Variants in CFAP74 observed in about 807,000 individuals in gnomAD.
CFAP74 encodes cilia and flagella associated protein 74, also known as cilia- and flagella-associated protein 74.
In CFAP74, 124 loss-of-function variants were observed where a neutral mutation model predicts 188.9. That is an observed-to-expected ratio of 0.66 (90% CI 0.57 to 0.76). The LOEUF (loss-of-function observed/expected upper bound fraction) is 0.76, where lower values mean the gene tolerates loss of function less well. CFAP74 is among the 30% of genes least tolerant of loss of function. CFAP74 has a pLI of 0.00. For missense variants in CFAP74, 2,198 were observed against 2,165.2 expected (o/e 1.02, Z -0.30); for synonymous variants, 956 against 916.7 (o/e 1.04, Z -0.77).
At chr1:1,925,397 G>A (rs562779102) in intron 33 of CFAP74, among the ~76,000 whole-genome samples, 1 of 152,340 alleles carries the variant, frequency 6.6e-6, no homozygotes, top group East Asian at 1.9e-4. Context: ...AGGGCAGTGC[G>A]GCTCACTGCA....
At position 1,973,077 on chromosome 1, in the gene CFAP74, ACT is replaced by A. The variant is rs1261972055; in HGVS notation, c.675-32_675-31del. The A allele has an allele frequency of 2.0e-6, 3 of 1,517,088 alleles. No homozygotes were observed. The East Asian group carries it at 6.8e-5, about 35-fold the overall frequency. The allele number at this position is 1,517,088 out of a possible 1,614,324, so 94.0% of individuals were successfully genotyped here. On this transcript the variant is annotated intron_variant, in intron 7 of 38. Transcript: ENST00000682832. The surrounding 1 kb of genome is among the most constrained non-coding windows in gnomAD (Gnocchi z 6.2). ...GGGGATATGGGGCCGTCAGAGGGAA[ACT>A]CGGCATCACACGTCCCATCTGCCCC...
Position 1,979,475 on chromosome 1 carries a change from C to T in CFAP74, c.501-5277G>A, listed in dbSNP as rs1276783129. 1.5e-4 allele frequency among the ~76,000 whole-genome samples: 17 copies of T among 116,512 alleles called. 1 individual carries two copies. Among genetic ancestry groups the T allele is most frequent in the South Asian group, 9.0e-4 (3 of 3,344 alleles). 76.4% of individuals were successfully genotyped at this position (116,512 alleles called of 152,430 possible). On this transcript the variant is annotated intron_variant, in intron 6 of 38. Transcript: ENST00000682832. ...ACGTGATGAAGCTGCACAGAACACG[C>T]GTGTGGTACTGAGCTGGGCGTGGGA...
chr1:1,966,751 C>T (rs1655502903), intron 11 of CFAP74, among the ~76,000 whole-genome samples: 1 of 151,996 alleles, frequency 6.6e-6, no homozygotes, highest in South Asian at 2.1e-4. Context: ...TCAGAAGAGT[C>T]TGCAAAATAT....
chr1:1,960,462 C>T (rs1013491120), intron 14 of CFAP74, among the ~76,000 whole-genome samples: 9 of 152,232 alleles, frequency 5.9e-5, no homozygotes, highest in African/African-American at 2.2e-4. Flanking sequence ...AGTCCTGAGA[C>T]AGCTGGGACC....
At chr1:1,928,219 TGGGAGGAAGCCAGGCCGGG>T (rs2102032635) in intron 27 of CFAP74, among the ~76,000 whole-genome samples, 1 of 27,904 alleles carries the variant, frequency 3.6e-5, no homozygotes, top group South Asian at 1.5e-3. Flanking sequence ...GGCAAACCCT[TGGGAGGAAGCCAGGCCGGG>T]AAGGGCAAAC....
chr1:1,929,967 T>G, intron 26 of CFAP74, 93 bp downstream of exon 26: 1 of 1,312,442 alleles, frequency 7.6e-7, no homozygotes, highest in Non-Finnish European at 1.0e-6. Flanking sequence ...TGAAACCCTG[T>G]GGTTAAGGGT....
At chr1:1,955,295 C>T (rs1037707979) in intron 18 of CFAP74, 12 of 1,297,698 alleles carry the variant, frequency 9.2e-6, no homozygotes, top group Middle Eastern at 2.6e-4. Flanking sequence ...CAGGGCCCGC[C>T]CGTTTCTCGG....
chr1:1,939,838 G>A (rs1157054137), intron 23 of CFAP74, 71 bp from the exon 24 acceptor site: 19 of 1,408,638 alleles, frequency 1.3e-5, no homozygotes, highest in Non-Finnish European at 1.7e-5. Context: ...AAACTCTGAG[G>A]CGCAACCACT....
chr1:1,978,901 G>A (rs1483865570), intron 6 of CFAP74, among the ~76,000 whole-genome samples: 4 of 152,348 alleles, frequency 2.6e-5, no homozygotes, highest in Non-Finnish European at 4.4e-5. Flanking sequence ...CCTCTTCTTC[G>A]TGCTGAGCTG....
rs751563147 is a variant in CFAP74 at position 1,968,769 on chromosome 1, C to T, written c.1111G>A (p.Ala371Thr). The change falls in exon 11 of 39, where the codon GCT (alanine) becomes ACT (threonine). Residue 371 changes from alanine (A) to threonine (T), a missense_variant. Ala to Thr is a moderately conservative substitution (Grantham distance 58). Coordinates refer to ENST00000682832, the MANE Select transcript of CFAP74 (RefSeq NM_001304360.2). This position sits in a 1 kb window ranked among gnomAD's most constrained non-coding sequence, Gnocchi z 4.3. ...TGTTTCTTCCTCTTTTCCTCCTCAGCCTCCTCTTTCAGAATCCGACTGATG... is the reference window on the plus strand; with the variant it reads ...TGTTTCTTCCTCTTTTCCTCCTCAGTCTCCTCTTTCAGAATCCGACTGATG... ...EIISRILKEE[A>T]EEEKRKKQHP... is the part of the protein sequence containing the mutation. 3.7e-6 allele frequency: 6 copies of T among 1,614,004 alleles called. No individual in the cohort carries two copies. Among genetic ancestry groups the T allele is most frequent in the South Asian group, 2.2e-5 (2 of 91,090 alleles).
chr1:1,922,758 A>G (rs889158868), intron 37 of CFAP74, 35 bp from the exon 38 acceptor site: 10 of 1,591,474 alleles, frequency 6.3e-6, no homozygotes, highest in Non-Finnish European at 7.7e-6. Flanking sequence ...GCTGGCGACC[A>G]GGCACCGCTC....
intron 3 of CFAP74, 67 bp downstream of exon 3, chr1:1,988,822 A>ACCC: frequency 6.3e-6 from 1 of 158,408 alleles, no homozygotes; most frequent in Non-Finnish European, 1.1e-5. Context: ...CCCTTCACCC[A>ACCC]CCCCCCCACC....
intron 18 of CFAP74, chr1:1,954,149 C>G (rs1005649428): frequency 2.0e-5 from 3 of 152,312 alleles, no homozygotes; most frequent in Non-Finnish European, 2.9e-5. Flanking sequence ...ATCTCAACAG[C>G]AGACCGTGGT....
chr1:1,985,031 G>A (rs1382750374), intron 6 of CFAP74: 3 of 205,194 alleles, frequency 1.5e-5, no homozygotes, highest in Admixed American at 5.3e-5. Context: ...GCAACTCGAC[G>A]CATCCAACCC....
chr1:1,994,634 G>A (rs537653107), intron 1 of CFAP74, among the ~76,000 whole-genome samples: 3 of 152,334 alleles, frequency 2.0e-5, no homozygotes, highest in African/African-American at 4.8e-5. Context: ...TCAGCTCTGT[G>A]CTTGTGAATT....
intron 18 of CFAP74, chr1:1,953,191 T>A (rs1049102871): frequency 1.3e-5 from 2 of 152,022 alleles, no homozygotes; most frequent in African/African-American, 4.8e-5. Flanking sequence ...GAGTCCATGA[T>A]AACCAAGACA....
chr1:1,946,906 G>C, intron 19 of CFAP74, 84 bp downstream of exon 19: 3 of 1,099,202 alleles, frequency 2.7e-6, no homozygotes, highest in Non-Finnish European at 4.0e-6. Context: ...GTGAGGGCCA[G>C]TGGGTTGGGG....
At position 1,968,875 on chromosome 1, in the gene CFAP74, G is replaced by C; in HGVS notation, c.1047-42C>G. 1 of 1,593,452 alleles carries C rather than the reference G, an allele frequency of 6.3e-7. No individual in the cohort carries two copies. Among genetic ancestry groups the C allele is most frequent in the Non-Finnish European group, 8.6e-7 (1 of 1,165,184 alleles). On this transcript the variant is annotated intron_variant, in intron 10 of 38. Coordinates refer to ENST00000682832, the MANE Select transcript of CFAP74 (RefSeq NM_001304360.2). This position sits in a 1 kb window ranked among gnomAD's most constrained non-coding sequence, Gnocchi z 4.3. ...CTCAGATGAGTGCAAGAGGTCCCCT[G>C]CCTCCACCTTGCCCCAGATGAGACA...
In CFAP74 at chr1:1,922,329, G is replaced by A; in HGVS notation, c.4878C>T (p.Thr1626=). 3.1e-6 allele frequency: 5 copies of A among 1,605,752 alleles called. No homozygotes were observed. In the East Asian group the frequency reaches 1.1e-4, roughly 36 times the overall value. ...CCTGGGCTACAAAGATGACCTTGTAGGTCTCCTTCACATCCCCCCTTAGCT... is the reference window on the plus strand; with the variant it reads ...CCTGGGCTACAAAGATGACCTTGTAAGTCTCCTTCACATCCCCCCTTAGCT... The part of the protein sequence containing the change: ...LLQLRGDVKE[T]YKVIFVAQVL... Residue 1626 remains threonine (T), a synonymous_variant, in exon 39 of 39, where the codon ACC becomes ACT. Transcript: ENST00000682832.
Sources: gnomAD v4.1 joint callset for allele counts (sites outside exome capture counted in the v4.1 genomes callset) on GRCh38, gnomAD v4.1.1 for gene constraint, Gnocchi (gnomAD v3.1) non-coding constraint, MANE v1.5 for transcripts, NCBI Gene and HGNC (gene_info 2026-07-23, HGNC 2026-07-21) for gene names.